The following GABPB2 variants were observed in gnomAD, a reference collection of about 807,000 sequenced individuals.
The protein encoded by GABPB2 is GA-binding protein subunit beta-2.
GABPB2 carries 23 observed loss-of-function variants against 39.1 expected under a neutral mutation model. That is an observed-to-expected ratio of 0.59 (90% CI 0.42 to 0.83). GABPB2 has a LOEUF of 0.83. Ranked by LOEUF, GABPB2 falls within the 40% of genes least tolerant of loss-of-function variation. GABPB2 has a pLI of 0.00. For synonymous variants in GABPB2, 184 were observed against 199.3 expected, an observed-to-expected ratio of 0.92 and a Z score of 0.65; for missense variants, 467 against 541.1, an observed-to-expected ratio of 0.86 and a Z score of 1.36.
At chr1:151,109,343 A>AATATATATATACACAAATAT (rs1553267307) in intron 7 of GABPB2, among the ~76,000 whole-genome samples, 4 of 133,138 alleles carry the variant, frequency 3.0e-5, no homozygotes, top group African/African-American at 1.1e-4. Flanking sequence ...TATATACACA[A>AATATATATATACACAAATAT]ATATATATAT....
At chr1:151,079,592 T>C (rs985922048) in intron 1 of GABPB2, among the ~76,000 whole-genome samples, 7 of 150,780 alleles carry the variant, frequency 4.6e-5, no homozygotes, top group Non-Finnish European at 8.9e-5. Flanking sequence ...CAGACTACAG[T>C]ATAAAACACT....
At chr1:151,108,876 G>C (rs587692607) in intron 7 of GABPB2, among the ~76,000 whole-genome samples, 6 of 152,212 alleles carry the variant, frequency 3.9e-5, no homozygotes, top group Admixed American at 1.3e-4. Context: ...ACAACTCCAT[G>C]CCTTAAAAAT....
chr1:151,109,364 A>ACACAAATATATATATATATATATT (rs1680218419), intron 7 of GABPB2, among the ~76,000 whole-genome samples: 4 of 112,394 alleles, frequency 3.6e-5, no homozygotes, highest in Non-Finnish European at 1.7e-5. Context: ...ATATATATAT[A>ACACAAATATATATATATATATATT]TTTTTTTTTT....
intron 6 of GABPB2, among the ~76,000 whole-genome samples, chr1:151,105,198 G>C (rs1371447102): frequency 6.6e-6 from 1 of 151,526 alleles, no homozygotes; most frequent in Admixed American, 6.6e-5. Flanking sequence ...GAGCCACCGC[G>C]CCTGGCCCTG....
intron 4 of GABPB2, among the ~76,000 whole-genome samples, chr1:151,094,182 G>C (rs1257033199): frequency 1.3e-5 from 2 of 150,592 alleles, no homozygotes; most frequent in Non-Finnish European, 2.9e-5. Flanking sequence ...CTCCCGAGCA[G>C]CTGGGACAAT....
intron 4 of GABPB2, among the ~76,000 whole-genome samples, chr1:151,095,240 A>G (rs1679018779): frequency 6.6e-6 from 1 of 152,180 alleles, no homozygotes; most frequent in South Asian, 2.1e-4. Context: ...GTGTGAAAGA[A>G]CGTGGAATGT....
intron 7 of GABPB2, among the ~76,000 whole-genome samples, chr1:151,115,403 T>C (rs1571996442): frequency 1.3e-3 from 1 of 762 alleles, no homozygotes; most frequent in African/African-American, 2.0e-3. Flanking sequence ...AACTATTTTC[T>C]TTTTTTTTTT....
intron 4 of GABPB2, 61 bp from the exon 5 acceptor site, chr1:151,097,786 AAAAAG>A (rs778854324): frequency 9.4e-5 from 144 of 1,529,508 alleles, no homozygotes; most frequent in South Asian, 6.5e-4. Context: ...CAAAAAAAAA[AAAAAG>A]AAAGACAGAA....
At chr1:151,073,918 A>G (rs1037116341) in intron 1 of GABPB2, among the ~76,000 whole-genome samples, 13 of 151,892 alleles carry the variant, frequency 8.6e-5, no homozygotes, top group Non-Finnish European at 1.3e-4. Context: ...GTCTCTGGCT[A>G]AAAAAGAAAG....
rs1367442474 is a variant in GABPB2 at position 151,117,476 on chromosome 1, C to A, written c.1007C>A (p.Pro336Gln). Reference sequence around the variant, plus strand: ...GAGAAGTTGCCACTAACAAAGAAACCAAGGATAGGAGAGAAGACAAACAGT... The same window carrying A: ...GAGAAGTTGCCACTAACAAAGAAACAAAGGATAGGAGAGAAGACAAACAGT... ...EEEKLPLTKK[P>Q]RIGEKTNSVE... is the part of the protein sequence containing the mutation. Residue 336 changes from proline to glutamine, a missense_variant, in exon 8 of 9, where the codon CCA (proline) becomes CAA (glutamine). Physicochemically the swap from Pro to Gln is moderately conservative, Grantham distance 76 (BLOSUM62 -1). Coordinates refer to ENST00000368918, the MANE Select transcript of GABPB2 (RefSeq NM_144618.3). The A allele has an allele frequency of 6.2e-7, 1 of 1,613,742 alleles. No homozygotes were observed. Among genetic ancestry groups the A allele is most frequent in the African/African-American group, 1.3e-5 (1 of 74,888 alleles).
At chr1:151,117,895 C>A in intron 8 of GABPB2, 62 bp from the exon 9 acceptor site, 1 of 1,507,252 alleles carries the variant, frequency 6.6e-7, no homozygotes, top group South Asian at 1.2e-5. Flanking sequence ...GTCTTTTTGT[C>A]TACTGTCTGG....
intron 1 of GABPB2, among the ~76,000 whole-genome samples, chr1:151,087,178 G>C (rs763927921): frequency 9.2e-5 from 14 of 151,740 alleles, no homozygotes; most frequent in Non-Finnish European, 1.8e-4. Context: ...TTTGTGAGAC[G>C]GTTTCGCCAT....
intron 1 of GABPB2, among the ~76,000 whole-genome samples, chr1:151,071,791 A>G (rs1676750074): frequency 6.6e-6 from 1 of 152,106 alleles, no homozygotes. Flanking sequence ...CTTCTTTCAC[A>G]GTTGTTTGTA....
At chr1:151,095,388 T>C (rs1002802047) in intron 4 of GABPB2, among the ~76,000 whole-genome samples, 1 of 152,198 alleles carries the variant, frequency 6.6e-6, no homozygotes, top group Non-Finnish European at 1.5e-5. Context: ...TGAACTATTA[T>C]GTGGGCGATG....
At chr1:151,085,126 G>A (rs193164980) in intron 1 of GABPB2, among the ~76,000 whole-genome samples, 4 of 151,214 alleles carry the variant, frequency 2.6e-5, no homozygotes, top group African/African-American at 9.7e-5. Context: ...GGCCAGGCGC[G>A]GTGGCTCACA....
chr1:151,117,873 C>T lies in GABPB2; in HGVS notation c.1048-84C>T, dbSNP rs587737612. On this transcript the variant is annotated intron_variant, in intron 8 of 8. Transcript: ENST00000368918. ...TGCTTGGATTATAGGTGTGAGGCAC[C>T]GCTCCTGGCCTGTCTTTTTGTCTAC... is the stretch of plus-strand genomic sequence containing the variant. 82 of 1,329,788 alleles carry T rather than the reference C, an allele frequency of 6.2e-5. No homozygotes were observed. The South Asian group carries it at 9.1e-4, about 15-fold the overall frequency. 82.4% of individuals were successfully genotyped at this position (1,329,788 alleles called of 1,614,324 possible). A position where few individuals can be genotyped will look rare whatever the true frequency, so the allele number is the denominator to read the frequency against.
chr1:151,084,177 G>A (rs1329825426), intron 1 of GABPB2, among the ~76,000 whole-genome samples: 5 of 151,698 alleles, frequency 3.3e-5, no homozygotes, highest in Admixed American at 1.3e-4. Context: ...CTCCCTAAAT[G>A]CTGCAATTGC....
chr1:151,117,942 G>T lies in GABPB2; in HGVS notation c.1048-15G>T. 1 of 1,603,478 alleles carries T rather than the reference G, an allele frequency of 6.2e-7. No homozygotes were observed. Among genetic ancestry groups the T allele is most frequent in the South Asian group, 1.1e-5 (1 of 90,314 alleles). On this transcript the variant is annotated splice_polypyrimidine_tract_variant and intron_variant, in intron 8 of 8. Transcript: ENST00000368918. The stretch of plus-strand genomic sequence containing the variant: ...TCAGGAATTTACCTGGTGGTGACAT[G>T]GCTTACTTTTACAGGAAGGCAATGA...
chr1:151,105,934 A>G (rs2101544674), intron 6 of GABPB2, among the ~76,000 whole-genome samples: 1 of 152,216 alleles, frequency 6.6e-6, no homozygotes, highest in South Asian at 2.1e-4. Context: ...TCTTATAGAA[A>G]TGATCTACTG....
Sources: allele counts gnomAD v4.1 joint callset (sites outside exome capture counted in the v4.1 genomes callset), GRCh38; gene constraint gnomAD v4.1.1; transcripts MANE v1.5; gene names NCBI Gene and HGNC (gene_info 2026-07-23, HGNC 2026-07-21).